SNX4: variants seen among roughly 807,000 people sequenced by gnomAD.
SNX4 encodes the protein sorting nexin-4.
SNX4 carries 49 observed loss-of-function variants against 70.8 expected under a neutral mutation model. The ratio of observed to expected loss-of-function variants is 0.69; its 90% CI spans 0.55 to 0.88. The LOEUF is 0.88. Among genes scored for constraint, SNX4 ranks in the 40% least tolerant of loss-of-function variants. The probability of loss-of-function intolerance (pLI) is 0.00; values close to 1 mark genes in which losing one functional copy is unlikely to be tolerated. For missense variants in SNX4, 528 were observed against 544.8 expected, an observed-to-expected ratio of 0.97 and a Z score of 0.31; for synonymous variants, 206 against 183.8, an observed-to-expected ratio of 1.12 and a Z score of -0.98.
intron 5 of SNX4, among the ~76,000 whole-genome samples, chr3:125,496,728 T>C (rs567902867): frequency 6.6e-6 from 1 of 152,306 alleles, no homozygotes; most frequent in Admixed American, 6.5e-5. Flanking sequence ...CAGATCATCA[T>C]CTCATTCCCA....
In SNX4 at chr3:125,495,277, T is replaced by TATATATATATACACAC; in HGVS notation, c.597+2063_597+2064insGTGTGTATATATATAT. Among the ~76,000 whole-genome samples the TATATATATATACACAC allele has an allele frequency of 7.3e-4, 73 of 99,596 alleles. 2 individuals are homozygous for TATATATATATACACAC. Among genetic ancestry groups the TATATATATATACACAC allele is most frequent in the Middle Eastern group, 5.6e-3 (1 of 180 alleles). The allele number at this position is 99,596 out of a possible 152,430, so 65.3% of individuals were successfully genotyped here. On this transcript the variant is annotated intron_variant, in intron 5 of 13. Transcript: ENST00000251775. Reference sequence around the variant, plus strand: ...ATATATATATATATATATATATATATACACATACACACACACACACGTATG... The same window carrying TATATATATATACACAC: ...ATATATATATATATATATATATATATATATATATATACACACACACATACACACACACACACGTATG...
At chr3:125,515,035 G>T (rs77909401) in intron 1 of SNX4, among the ~76,000 whole-genome samples, 2 of 152,208 alleles carry the variant, frequency 1.3e-5, no homozygotes, top group East Asian at 3.9e-4. Flanking sequence ...GCTAAGTATT[G>T]TTTCCTGAAA....
chr3:125,507,151 T>A (rs1360062548), intron 1 of SNX4, among the ~76,000 whole-genome samples: 1 of 131,630 alleles, frequency 7.6e-6, no homozygotes, highest in Non-Finnish European at 1.5e-5. Flanking sequence ...GAGGTTGCAG[T>A]GAGCAAAGAC....
intron 9 of SNX4, 111 bp downstream of exon 9, chr3:125,469,343 A>G: frequency 1.5e-6 from 1 of 687,392 alleles, no homozygotes; most frequent in Non-Finnish European, 2.6e-6. Flanking sequence ...GTACACATAG[A>G]GCGCAATATA....
intron 8 of SNX4, among the ~76,000 whole-genome samples, chr3:125,470,768 C>T (rs1398734447): frequency 6.6e-6 from 1 of 152,146 alleles, no homozygotes; most frequent in Non-Finnish European, 1.5e-5. Flanking sequence ...AGGATAAAAT[C>T]TCTAGCCCCA....
intron 7 of SNX4, among the ~76,000 whole-genome samples, chr3:125,478,471 C>A (rs1218463204): frequency 2.0e-5 from 3 of 150,866 alleles, no homozygotes; most frequent in Admixed American, 1.3e-4. Flanking sequence ...AACACTGAGA[C>A]AATAAAATTT....
chr3:125,477,757 C>T (rs563891535), intron 7 of SNX4, among the ~76,000 whole-genome samples: 71 of 152,300 alleles, frequency 4.7e-4, no homozygotes, highest in African/African-American at 1.6e-3. Context: ...TGAGGAAACA[C>T]GTACCCACTA....
chr3:125,463,145 T>C (rs965578821), intron 9 of SNX4, among the ~76,000 whole-genome samples: 1 of 152,192 alleles, frequency 6.6e-6, no homozygotes, highest in African/African-American at 2.4e-5. Context: ...TAAACAAAAC[T>C]ATGCTAAGGG....
chr3:125,500,545 T>C (rs1934902605), intron 2 of SNX4, among the ~76,000 whole-genome samples: 1 of 152,060 alleles, frequency 6.6e-6, no homozygotes, highest in Non-Finnish European at 1.5e-5. Context: ...CTCATGCCTG[T>C]AATCCCAGCA....
chr3:125,461,825 T>A (rs1262330684), intron 9 of SNX4, among the ~76,000 whole-genome samples: 1 of 150,944 alleles, frequency 6.6e-6, no homozygotes, highest in African/African-American at 2.5e-5. Flanking sequence ...CCACGCCCAG[T>A]TAATTTTTTG....
chr3:125,485,901 C>T (rs561321846), intron 6 of SNX4, among the ~76,000 whole-genome samples: 58 of 152,190 alleles, frequency 3.8e-4, no homozygotes, highest in African/African-American at 5.5e-4. Flanking sequence ...AGTGCAATGG[C>T]GCGATCTTGG....
intron 9 of SNX4, 33 bp from the exon 10 acceptor site, chr3:125,460,893 AGT>A (rs1433077851): frequency 2.5e-5 from 28 of 1,102,042 alleles, no homozygotes; most frequent in Non-Finnish European, 3.6e-5. Context: ...CATTGCATAG[AGT>A]TACTTTCATT....
chr3:125,518,797 G>A (rs1424123751), intron 1 of SNX4, among the ~76,000 whole-genome samples: 2 of 151,672 alleles, frequency 1.3e-5, no homozygotes, highest in African/African-American at 4.8e-5. Flanking sequence ...GAAGTCAGAA[G>A]TTCGAGACCA....
chr3:125,506,191 A>G (rs757506956), intron 1 of SNX4, among the ~76,000 whole-genome samples: 2 of 152,162 alleles, frequency 1.3e-5, no homozygotes, highest in Non-Finnish European at 2.9e-5. Context: ...GCAAATGCCT[A>G]GTTTTCAACA....
At chr3:125,510,795 A>C (rs934828699) in intron 1 of SNX4, among the ~76,000 whole-genome samples, 1 of 152,252 alleles carries the variant, frequency 6.6e-6, no homozygotes, top group Admixed American at 6.5e-5. Flanking sequence ...TTTAACAGGT[A>C]CAATTTCAGC....
rs560865379 is a variant in SNX4, at chr3:125,465,879, G to C, written c.854+3575C>G. ...CCTGGTCTCAAACTCCTGACCTTAA[G>C]TGATCCACCTGTCTCGGCATCCCAA... On this transcript the variant is annotated intron_variant, in intron 9 of 13. Coordinates refer to ENST00000251775, the MANE Select transcript of SNX4 (RefSeq NM_003794.4). Among the ~76,000 whole-genome samples, 4 of 152,274 alleles carry C rather than the reference G, an allele frequency of 2.6e-5. No individual in the cohort carries two copies. The East Asian group carries it at 5.8e-4, about 22-fold the overall frequency.
Position 125,447,772 on chromosome 3 carries a change from C to G in SNX4, c.*7G>C. 6.3e-7 allele frequency: 1 copy of G among 1,584,580 alleles called. No individual in the cohort carries two copies. The highest frequency in any genetic ancestry group is 8.6e-7 in the Non-Finnish European group (1 of 1,167,316). On this transcript the variant is annotated 3_prime_UTR_variant, in exon 14 of 14. Coordinates refer to ENST00000251775, the MANE Select transcript of SNX4 (RefSeq NM_003794.4). ...ACTTTGATTGAAGAGAAATTCAATT[C>G]ACAGGATTACATCTTGCTAAAGCAT... is the stretch of plus-strand genomic sequence containing the variant.
At chr3:125,460,951 C>A in intron 9 of SNX4, 91 bp from the exon 10 acceptor site, 2 of 554,236 alleles carry the variant, frequency 3.6e-6, no homozygotes, top group Non-Finnish European at 6.1e-6. Context: ...TTAGGCTGGG[C>A]GCAGTGGCTC....
At chr3:125,480,366 CA>C in intron 6 of SNX4, 47 bp from the exon 7 acceptor site, 1 of 1,254,552 alleles carries the variant, frequency 8.0e-7, no homozygotes, top group African/African-American at 1.5e-5. Context: ...TGAAAACAAG[CA>C]GTCAAAAACT....
Sources: allele counts gnomAD v4.1 joint callset (sites outside exome capture counted in the v4.1 genomes callset), GRCh38; gene constraint gnomAD v4.1.1; transcripts MANE v1.5; gene names NCBI Gene and HGNC (gene_info 2026-07-23, HGNC 2026-07-21).